KIAA1217: variants seen among roughly 807,000 people sequenced by gnomAD.
The protein encoded by KIAA1217 is sickle tail protein homolog.
KIAA1217 carries 88 observed loss-of-function variants against 163.9 expected under a neutral mutation model. The observed-to-expected ratio is 0.54, with a 90% confidence interval of 0.45 to 0.64. KIAA1217 has a LOEUF of 0.64. Among genes scored for constraint, KIAA1217 ranks in the 30% least tolerant of loss-of-function variants. KIAA1217 has a pLI of 0.00. For missense variants in KIAA1217, 2,372 were observed against 2,475.0 expected, an observed-to-expected ratio of 0.96 and a Z score of 0.88; for synonymous variants, 903 against 923.1, an observed-to-expected ratio of 0.98 and a Z score of 0.39.
At chr10:24,265,462 C>T (rs185616905) in intron 2 of KIAA1217, among the ~76,000 whole-genome samples, 42 of 152,282 alleles carry the variant, frequency 2.8e-4, no homozygotes, top group Non-Finnish European at 4.1e-4. Context: ...TTCCTCCTTC[C>T]TCTTGGCTTG....
intron 1 of KIAA1217, among the ~76,000 whole-genome samples, chr10:23,955,079 TA>T (rs1272510252): frequency 6.6e-6 from 1 of 152,184 alleles, no homozygotes; most frequent in African/African-American, 2.4e-5. Flanking sequence ...TTATATGCCT[TA>T]TGTATATTGC....
intron 2 of KIAA1217, among the ~76,000 whole-genome samples, chr10:24,278,603 T>G (rs552696249): frequency 1.3e-5 from 2 of 152,292 alleles, no homozygotes; most frequent in South Asian, 2.1e-4. Context: ...ATACCAACTC[T>G]GCTGTTCTGG....
At chr10:24,386,469 A>G (rs2054016798) in intron 3 of KIAA1217, among the ~76,000 whole-genome samples, 1 of 152,226 alleles carries the variant, frequency 6.6e-6, no homozygotes, top group South Asian at 2.1e-4. Flanking sequence ...TCTGTCTCTA[A>G]AGATGAAAAC....
At chr10:23,947,694 G>A (rs772656766) in intron 1 of KIAA1217, among the ~76,000 whole-genome samples, 1 of 152,104 alleles carries the variant, frequency 6.6e-6, no homozygotes, top group Non-Finnish European at 1.5e-5. Context: ...GCCTTACTAT[G>A]TGTCAGGCAC....
At chr10:24,300,330 C>A (rs922755597) in intron 2 of KIAA1217, among the ~76,000 whole-genome samples, 120 of 152,210 alleles carry the variant, frequency 7.9e-4, no homozygotes, top group African/African-American at 2.8e-3. Flanking sequence ...AAAGTGACCA[C>A]ATGGCCACCT....
rs564708893 is a variant in KIAA1217, at chr10:23,736,590, A to G, written c.-321+41356A>G. ...CAGGCTGGGGTGCAGTGATGTGAAC[A>G]TAGCTCACTGCAGCCTCAAACTCCT... On this transcript the variant is annotated intron_variant, in intron 1 of 18. Transcript: ENST00000376462. Among the ~76,000 whole-genome samples the G allele has an allele frequency of 2.0e-5, 3 of 152,174 alleles. No individual in the cohort carries two copies. In the South Asian group the frequency reaches 6.2e-4, roughly 31 times the overall value.
At chr10:24,409,955 A>G (rs1014317741) in intron 3 of KIAA1217, among the ~76,000 whole-genome samples, 8 of 150,206 alleles carry the variant, frequency 5.3e-5, no homozygotes, top group Admixed American at 4.6e-4. Flanking sequence ...TCCATCATAT[A>G]TATATCACAA....
At chr10:24,486,372 G>T (rs1389654792) in intron 6 of KIAA1217, among the ~76,000 whole-genome samples, 1 of 152,182 alleles carries the variant, frequency 6.6e-6, no homozygotes, top group Non-Finnish European at 1.5e-5. Flanking sequence ...CAGCTCCAGG[G>T]TATCCCTATT....
chr10:23,919,746 ACAAGGCTTTAGTTC>A (rs373226221), intron 1 of KIAA1217, among the ~76,000 whole-genome samples: 16 of 152,196 alleles, frequency 1.1e-4, no homozygotes, highest in Middle Eastern at 6.8e-3. Context: ...GTTCATTAAC[ACAAGGCTTTAGTTC>A]CAAACCCTAT....
chr10:24,478,321 T>C (rs1014201957), intron 6 of KIAA1217, among the ~76,000 whole-genome samples: 4 of 152,200 alleles, frequency 2.6e-5, no homozygotes, highest in African/African-American at 4.8e-5. Context: ...AGTAATTGAG[T>C]CTTCAGTCTT....
chr10:24,464,681 C>T (rs1292866645), intron 5 of KIAA1217, among the ~76,000 whole-genome samples: 3 of 152,170 alleles, frequency 2.0e-5, no homozygotes, highest in Admixed American at 1.3e-4. Context: ...GGCTGGGCCT[C>T]CCTATGTTGC....
chr10:24,319,637 G>A (rs970831564), intron 2 of KIAA1217, among the ~76,000 whole-genome samples: 30 of 152,178 alleles, frequency 2.0e-4, no homozygotes, highest in Non-Finnish European at 3.8e-4. Context: ...GGGCTAGAGC[G>A]CACCCTGGTG....
chr10:24,372,602 A>T (rs555670360), intron 2 of KIAA1217, among the ~76,000 whole-genome samples: 32 of 152,280 alleles, frequency 2.1e-4, no homozygotes, highest in African/African-American at 7.5e-4. Context: ...CAATATACCC[A>T]TGTAACAAAC....
chr10:23,826,846 G>C (rs1021298879), intron 1 of KIAA1217, among the ~76,000 whole-genome samples: 1 of 152,130 alleles, frequency 6.6e-6, no homozygotes, highest in African/African-American at 2.4e-5. Flanking sequence ...AGAGCTTCGT[G>C]AACTGTTTCT....
intron 2 of KIAA1217, among the ~76,000 whole-genome samples, chr10:24,058,769 T>C (rs187862056): frequency 8.8e-4 from 134 of 152,310 alleles, no homozygotes; most frequent in Non-Finnish European, 1.5e-3. Context: ...CTTATTAGTT[T>C]ACCTTTTTTT....
At chr10:24,215,024 C>T (rs2068636298) in intron 1 of KIAA1217, among the ~76,000 whole-genome samples, 1 of 152,252 alleles carries the variant, frequency 6.6e-6, no homozygotes, top group Non-Finnish European at 1.5e-5. Context: ...CGGCTTTCTC[C>T]TTGAGGAGGC....
chr10:24,260,294 T>C (rs183241893), intron 2 of KIAA1217, among the ~76,000 whole-genome samples: 2 of 152,100 alleles, frequency 1.3e-5, no homozygotes, highest in Admixed American at 6.6e-5. Context: ...TGTGTGTTCC[T>C]AAAAAAGCCT....
At chr10:24,305,053 A>G (rs1234844710) in intron 2 of KIAA1217, among the ~76,000 whole-genome samples, 1 of 152,244 alleles carries the variant, frequency 6.6e-6, no homozygotes, top group Non-Finnish European at 1.5e-5. Flanking sequence ...GTCCTTGATG[A>G]TGCAGGCAAA....
At chr10:24,325,780 C>A (rs2044795875) in intron 2 of KIAA1217, among the ~76,000 whole-genome samples, 1 of 152,104 alleles carries the variant, frequency 6.6e-6, no homozygotes, top group Non-Finnish European at 1.5e-5. Flanking sequence ...ATGAAATGTA[C>A]ATACATTTCA....
Sources: gnomAD v4.1 joint callset for allele counts (sites outside exome capture counted in the v4.1 genomes callset) on GRCh38, gnomAD v4.1.1 for gene constraint, MANE v1.5 for transcripts, NCBI Gene and HGNC (gene_info 2026-07-23, HGNC 2026-07-21) for gene names.